PRKG1: variants seen among roughly 807,000 people sequenced by gnomAD.
PRKG1 encodes cGMP-dependent protein kinase 1.
Under a neutral mutation model 88.1 loss-of-function variants are expected in PRKG1, and 35 were observed. The ratio of observed to expected loss-of-function variants is 0.40; its 90% CI spans 0.30 to 0.53. The LOEUF (loss-of-function observed/expected upper bound fraction) is 0.53, where lower values mean the gene tolerates loss of function less well. Ranked by LOEUF, PRKG1 falls within the 20% of genes least tolerant of loss-of-function variation. The pLI is 0.59. For missense variants in PRKG1, 540 were observed against 839.8 expected (o/e 0.64, Z 4.41); for synonymous variants, 303 against 292.5 (o/e 1.04, Z -0.37).
At chr10:51,949,013 C>T (rs1022932926) in intron 5 of PRKG1, among the ~76,000 whole-genome samples, 1 of 152,122 alleles carries the variant, frequency 6.6e-6, no homozygotes, top group African/African-American at 2.4e-5. Flanking sequence ...TTTATGTCAA[C>T]TACATGATTT....
At chr10:52,155,867 A>G (rs772631483) in intron 8 of PRKG1, among the ~76,000 whole-genome samples, 18 of 152,006 alleles carry the variant, frequency 1.2e-4, no homozygotes, top group Non-Finnish European at 2.1e-4. Flanking sequence ...CATATTAGAC[A>G]TGGAAACTTG....
intron 3 of PRKG1, among the ~76,000 whole-genome samples, chr10:51,713,624 A>G (rs1404758656): frequency 1.3e-5 from 2 of 152,234 alleles, no homozygotes; most frequent in African/African-American, 4.8e-5. Context: ...TGGTAAAGAA[A>G]AACACGTAAA....
At chr10:51,793,138 C>CAAAAAAAAAA (rs775904836) in intron 3 of PRKG1, among the ~76,000 whole-genome samples, 2 of 69,740 alleles carry the variant, frequency 2.9e-5, no homozygotes, top group South Asian at 1.2e-3. Flanking sequence ...CAGCACACTG[C>CAAAAAAAAAA]AAAAAAAAAA....
rs144054633 is a variant in PRKG1 at position 51,932,171 on chromosome 10, T to C, written c.762+24601T>C. ...TTCTTATTTAAGATATTCAGTATCA[T>C]TTTATCTTTCCTGAATTGGTTTGGT... On this transcript the variant is annotated intron_variant, in intron 5 of 17. Transcript: ENST00000373980. Among the ~76,000 whole-genome samples, 32 of 151,894 alleles carry C rather than the reference T, an allele frequency of 2.1e-4. No homozygotes were observed. In the East Asian group the frequency reaches 6.0e-3, roughly 28 times the overall value.
intron 3 of PRKG1, among the ~76,000 whole-genome samples, chr10:51,732,062 C>T (rs1217003594): frequency 1.4e-5 from 2 of 143,830 alleles, no homozygotes; most frequent in African/African-American, 5.1e-5. Context: ...TTCCCTCCTT[C>T]CCTTTTGTTT....
At chr10:51,817,358 C>T (rs1018935848) in intron 4 of PRKG1, among the ~76,000 whole-genome samples, 1 of 139,728 alleles carries the variant, frequency 7.2e-6, no homozygotes, top group African/African-American at 2.7e-5. Context: ...CCCCCCCCCT[C>T]CCCTGACAGG....
chr10:52,166,855 A>ATG (rs1838483945), intron 9 of PRKG1, among the ~76,000 whole-genome samples: 3 of 103,616 alleles, frequency 2.9e-5, no homozygotes, highest in African/African-American at 9.9e-5. Context: ...ATATGTCTAT[A>ATG]TATATATCTG....
chr10:51,558,546 A>G (rs1179267002), intron 3 of PRKG1, among the ~76,000 whole-genome samples: 1 of 152,078 alleles, frequency 6.6e-6, no homozygotes, highest in African/African-American at 2.4e-5. Context: ...TATGCATGGG[A>G]TGTCATCAAT....
At chr10:51,277,011 G>C (rs1265272713) in intron 2 of PRKG1, among the ~76,000 whole-genome samples, 1 of 152,096 alleles carries the variant, frequency 6.6e-6, no homozygotes, top group Non-Finnish European at 1.5e-5. Flanking sequence ...ATTGCTTTTG[G>C]TGTTTTAGAC....
intron 7 of PRKG1, among the ~76,000 whole-genome samples, chr10:52,081,044 A>G (rs748356377): frequency 9.2e-5 from 14 of 152,184 alleles, no homozygotes; most frequent in East Asian, 1.9e-4. Flanking sequence ...CTTCACCCCA[A>G]TAGGTGTTGC....
At chr10:51,897,417 T>C (rs1841878501) in intron 4 of PRKG1, among the ~76,000 whole-genome samples, 1 of 152,172 alleles carries the variant, frequency 6.6e-6, no homozygotes, top group Admixed American at 6.5e-5. Flanking sequence ...TATAACTCTG[T>C]ATGCTTCTTC....
chr10:51,125,802 TA>T (rs968932243), intron 1 of PRKG1, among the ~76,000 whole-genome samples: 26 of 143,930 alleles, frequency 1.8e-4, no homozygotes, highest in Non-Finnish European at 3.8e-4. Flanking sequence ...ATAAATTATA[TA>T]AATTTATTTA....
chr10:52,199,622 A>G, intron 9 of PRKG1, among the ~76,000 whole-genome samples: 1 of 152,162 alleles, frequency 6.6e-6, no homozygotes, highest in Non-Finnish European at 1.5e-5. Context: ...CCGGAGCCCT[A>G]CAGGAAGAGG....
intron 12 of PRKG1, among the ~76,000 whole-genome samples, chr10:52,273,826 T>C (rs1016162810): frequency 1.3e-5 from 2 of 152,254 alleles, no homozygotes; most frequent in South Asian, 2.1e-4. Flanking sequence ...ATAGAGATTA[T>C]ATACCAGGCA....
intron 3 of PRKG1, among the ~76,000 whole-genome samples, chr10:51,735,928 G>GT (rs1589244335): frequency 2.0e-5 from 2 of 99,036 alleles, no homozygotes; most frequent in African/African-American, 3.9e-5. Flanking sequence ...ACTTTAAGTT[G>GT]TCTTTTTTTT....
chr10:52,036,980 G>T (rs1294758886), intron 5 of PRKG1, among the ~76,000 whole-genome samples: 1 of 152,286 alleles, frequency 6.6e-6, no homozygotes, highest in African/African-American at 2.4e-5. Context: ...CGGAAGCTCG[G>T]CGTCTGTGAT....
chr10:51,511,012 A>G (rs1389393758), intron 3 of PRKG1, among the ~76,000 whole-genome samples: 1 of 151,436 alleles, frequency 6.6e-6, no homozygotes, highest in African/African-American at 2.4e-5. Context: ...TCAGCCTCCC[A>G]AAGTGCTGGG....
intron 3 of PRKG1, among the ~76,000 whole-genome samples, chr10:51,770,792 T>C (rs1362959745): frequency 6.6e-6 from 1 of 152,136 alleles, no homozygotes; most frequent in Non-Finnish European, 1.5e-5. Flanking sequence ...TCCAGGAAAG[T>C]GGTCCCCGGT....
chr10:51,666,868 C>A (rs1258508795), intron 3 of PRKG1, among the ~76,000 whole-genome samples: 2 of 152,012 alleles, frequency 1.3e-5, no homozygotes, highest in East Asian at 1.9e-4. Context: ...AATCTCAGCT[C>A]ACTGCATCCT....
Sources: gnomAD v4.1 joint callset for allele counts (sites outside exome capture counted in the v4.1 genomes callset) on GRCh38, gnomAD v4.1.1 for gene constraint, MANE v1.5 for transcripts, NCBI Gene and HGNC (gene_info 2026-07-23, HGNC 2026-07-21) for gene names.